Variants in SPPL3 observed in about 807,000 individuals in gnomAD.
The protein encoded by SPPL3 is signal peptide peptidase-like 3.
Under a neutral mutation model 42.4 loss-of-function variants are expected in SPPL3, and 5 were observed. That is an observed-to-expected ratio of 0.12 (90% confidence interval 0.06 to 0.25). The LOEUF (loss-of-function observed/expected upper bound fraction) is 0.25. Ranked by LOEUF, SPPL3 falls within the 10% of genes least tolerant of loss-of-function variation. The pLI, the probability that SPPL3 is intolerant of heterozygous loss-of-function variation, is 1.00. For synonymous variants in SPPL3, 195 were observed against 181.8 expected, an observed-to-expected ratio of 1.07 and a Z score of -0.58; for missense variants, 235 against 489.0, an observed-to-expected ratio of 0.48 and a Z score of 4.90.
intron 2 of SPPL3, among the ~76,000 whole-genome samples, chr12:120,802,375 ATATGTATATATATACACATATATG>A (rs1207384227): frequency 0.011 from 1,596 of 143,664 alleles, 39 homozygotes; most frequent in African/African-American, 0.04. Flanking sequence ...ATATACATAT[ATATGTATATATATACACATATATG>A]TGTGTGTGTG....
intron 1 of SPPL3, among the ~76,000 whole-genome samples, chr12:120,862,547 T>C (rs1872642228): frequency 6.6e-6 from 1 of 152,184 alleles, no homozygotes; most frequent in Non-Finnish European, 1.5e-5. Flanking sequence ...TTACTTACTA[T>C]TGTTGGTTTA....
chr12:120,837,290 A>G (rs1871652949), intron 1 of SPPL3, among the ~76,000 whole-genome samples: 4 of 152,192 alleles, frequency 2.6e-5, no homozygotes, highest in Non-Finnish European at 5.9e-5. Context: ...GGCTAGAGAG[A>G]AATGTGAAGA....
intron 1 of SPPL3, among the ~76,000 whole-genome samples, chr12:120,889,663 A>G (rs1383414991): frequency 6.6e-6 from 1 of 152,146 alleles, no homozygotes; most frequent in Non-Finnish European, 1.5e-5. Context: ...TCATAAGTAT[A>G]TTTTATTGTT....
chr12:120,888,728 G>A (rs979459670), intron 1 of SPPL3, among the ~76,000 whole-genome samples: 2 of 152,164 alleles, frequency 1.3e-5, no homozygotes, highest in South Asian at 2.1e-4. Context: ...TTGTGGTGAC[G>A]ACTGCCCAAC....
At chr12:120,891,010 C>G (rs1262132682) in intron 1 of SPPL3, among the ~76,000 whole-genome samples, 1 of 152,198 alleles carries the variant, frequency 6.6e-6, no homozygotes, top group Non-Finnish European at 1.5e-5. Context: ...CTTGGGCCAT[C>G]TGCACCTTTG....
chr12:120,840,241 G>GTACT (rs1158766605), intron 1 of SPPL3, among the ~76,000 whole-genome samples: 1 of 117,748 alleles, frequency 8.5e-6, no homozygotes, highest in Non-Finnish European at 1.6e-5. Flanking sequence ...TTGCACCACT[G>GTACT]TACTCCAGCC....
intron 1 of SPPL3, among the ~76,000 whole-genome samples, chr12:120,823,648 C>T (rs775369507): frequency 6.6e-6 from 1 of 152,168 alleles, no homozygotes; most frequent in African/African-American, 2.4e-5. Flanking sequence ...CTGGGTGATA[C>T]TGTCTACTCT....
chr12:120,810,067 G>C (rs1870635453), intron 2 of SPPL3, among the ~76,000 whole-genome samples: 1 of 151,894 alleles, frequency 6.6e-6, no homozygotes, highest in Non-Finnish European at 1.5e-5. Flanking sequence ...CAATCTCCTG[G>C]GCTTAAGTGA....
At chr12:120,808,710 T>A (rs1377354938) in intron 2 of SPPL3, among the ~76,000 whole-genome samples, 1 of 152,186 alleles carries the variant, frequency 6.6e-6, no homozygotes, top group Non-Finnish European at 1.5e-5. Context: ...GATATGAAGA[T>A]AATTTGTAGA....
chr12:120,798,382 G>A (rs552596886), intron 2 of SPPL3, among the ~76,000 whole-genome samples: 4 of 152,162 alleles, frequency 2.6e-5, no homozygotes, highest in Non-Finnish European at 5.9e-5. Context: ...TATGGCAACT[G>A]GCTCCTGAAA....
intron 1 of SPPL3, among the ~76,000 whole-genome samples, chr12:120,838,228 C>T (rs1307260166): frequency 6.6e-6 from 1 of 152,198 alleles, no homozygotes; most frequent in Non-Finnish European, 1.5e-5. Context: ...GGTAGGTTAT[C>T]AGATACAGGC....
intron 1 of SPPL3, among the ~76,000 whole-genome samples, chr12:120,874,528 G>C (rs491602): frequency 0.24 from 36,820 of 150,968 alleles, 5,581 homozygotes; most frequent in Non-Finnish European, 0.35. Flanking sequence ...AAATAATAAT[G>C]TATTGTGTAA....
rs887332826 is a variant in SPPL3, at chr12:120,764,594, T to C, written c.*405A>G. 6 of 324,336 alleles carry C rather than the reference T, an allele frequency of 1.8e-5. No individual in the cohort carries two copies. The highest frequency in any genetic ancestry group is 8.2e-4 in the Middle Eastern group (1 of 1,224). The allele number at this position is 324,336 out of a possible 1,614,324, so 20.1% of individuals were successfully genotyped here. ...TGGTCCCAAAGTTCTCGAGGGGTCA[T>C]TGAAGAAACTTCGGTTTGCTAATTT... On this transcript the variant is annotated 3_prime_UTR_variant, in exon 11 of 11. Coordinates refer to ENST00000353487, the MANE Select transcript of SPPL3 (RefSeq NM_139015.5).
At chr12:120,845,876 ATCTATCT>A (rs1296825980) in intron 1 of SPPL3, among the ~76,000 whole-genome samples, 1 of 151,514 alleles carries the variant, frequency 6.6e-6, no homozygotes, top group Non-Finnish European at 1.5e-5. Context: ...CTATCTATCT[ATCTATCT>A]ATCTATCTAT....
At chr12:120,883,334 A>T (rs1032399904) in intron 1 of SPPL3, among the ~76,000 whole-genome samples, 8 of 152,078 alleles carry the variant, frequency 5.3e-5, no homozygotes, top group African/African-American at 1.7e-4. Context: ...CAAAAAACAA[A>T]CTTAATTCTA....
chr12:120,855,441 A>C (rs1015840676), intron 1 of SPPL3, among the ~76,000 whole-genome samples: 1 of 152,148 alleles, frequency 6.6e-6, no homozygotes, highest in Admixed American at 6.5e-5. Flanking sequence ...TAATCCTAGC[A>C]CTTTGGGAGG....
intron 1 of SPPL3, among the ~76,000 whole-genome samples, chr12:120,813,952 G>A (rs1870778621): frequency 6.6e-6 from 1 of 152,050 alleles, no homozygotes; most frequent in Non-Finnish European, 1.5e-5. Flanking sequence ...TTGTGATCTG[G>A]TGCTGCCTGA....
chr12:120,855,187 C>T (rs1009206257), intron 1 of SPPL3, among the ~76,000 whole-genome samples: 1 of 152,256 alleles, frequency 6.6e-6, no homozygotes, highest in Non-Finnish European at 1.5e-5. Flanking sequence ...AATCCTTGTA[C>T]TAATAACTTA....
At chr12:120,880,287 A>G (rs1201794802) in intron 1 of SPPL3, among the ~76,000 whole-genome samples, 1 of 152,166 alleles carries the variant, frequency 6.6e-6, no homozygotes, top group Non-Finnish European at 1.5e-5. Flanking sequence ...AAATGGATCA[A>G]AAACATACAA....
Sources: gnomAD v4.1 joint callset for allele counts (sites outside exome capture counted in the v4.1 genomes callset) on GRCh38, gnomAD v4.1.1 for gene constraint, MANE v1.5 for transcripts, NCBI Gene and HGNC (gene_info 2026-07-23, HGNC 2026-07-21) for gene names.